The following LNPEP variants were observed in gnomAD, a reference collection of about 807,000 sequenced individuals.
LNPEP encodes leucyl and cystinyl aminopeptidase, also known as leucyl-cystinyl aminopeptidase.
LNPEP carries 64 observed loss-of-function variants against 120.6 expected under a neutral mutation model. That is an observed-to-expected ratio of 0.53 (90% confidence interval 0.43 to 0.65). The LOEUF is 0.65. Among genes scored for constraint, LNPEP ranks in the 30% least tolerant of loss-of-function variants. The pLI is 0.00. For synonymous variants in LNPEP, 435 were observed against 425.4 expected (o/e 1.02, Z -0.28); for missense variants, 1,057 against 1,200.0 (o/e 0.88, Z 1.76).
chr5:97,017,975 T>C (rs888700363), intron 13 of LNPEP, among the ~76,000 whole-genome samples: 13 of 152,114 alleles, frequency 8.5e-5, no homozygotes, highest in Non-Finnish European at 1.9e-4. Context: ...CAACACAGTG[T>C]TCTCCCTGTG....
chr5:96,995,802 G>A (rs1185441212), intron 6 of LNPEP, among the ~76,000 whole-genome samples: 2 of 152,170 alleles, frequency 1.3e-5, no homozygotes, highest in Admixed American at 6.5e-5. Flanking sequence ...GATTACAGGT[G>A]TAAGCCACGA....
rs149678569 is a variant in LNPEP at position 96,986,585 on chromosome 5, C to A, written c.1046C>A (p.Ser349Tyr). 1.1e-5 allele frequency: 17 copies of A among 1,613,540 alleles called. No individual in the cohort carries two copies. In the African/African-American group the frequency reaches 2.1e-4, roughly 20 times the overall value. ...LDDGLVQDEF[S>Y]ESVKMSTYLV... is the part of the protein sequence containing the mutation. ...GATGGACTTGTTCAGGATGAGTTTT[C>A]TGAGAGTGTGAAGATGAGCACTTAC... is the stretch of plus-strand genomic sequence containing the variant. Residue 349 changes from serine (S) to tyrosine (Y), a missense_variant, in exon 4 of 18, where the codon TCT becomes TAT. By Grantham distance (144) the Ser-to-Tyr change is moderately radical. Transcript: ENST00000231368.
rs184633504 is a variant in LNPEP at position 97,009,186 on chromosome 5, C to T, written c.2035+2671C>T. On this transcript the variant is annotated intron_variant, in intron 11 of 17. Transcript: ENST00000231368. Reference sequence around the variant, plus strand: ...GAACACCCTTGCCTCCTCACTCCCTCGGCCTACTCCTGTTTATTCTTCAGA... The same window carrying T: ...GAACACCCTTGCCTCCTCACTCCCTTGGCCTACTCCTGTTTATTCTTCAGA... Among the ~76,000 whole-genome samples, 52 of 152,308 alleles carry T rather than the reference C, an allele frequency of 3.4e-4. 1 individual carries two copies. The East Asian group carries it at 9.3e-3, about 27-fold the overall frequency.
intron 1 of LNPEP, among the ~76,000 whole-genome samples, chr5:96,966,508 TTGTGTGTGTGTGTGTG>T (rs375861296): frequency 1.6e-3 from 208 of 133,456 alleles, no homozygotes; most frequent in African/African-American, 5.5e-3. Context: ...TTACATATAT[TTGTGTGTGTGTGTGTG>T]TGTGTGTGTG....
rs986596322 is a variant in LNPEP, at chr5:97,032,482, T to G, written c.*3949T>G. ...TTTTTGGGAGTATATACTTTAAAAA[T>G]GTACATACATGTTTTTGATAGTTTT... On this transcript the variant is annotated 3_prime_UTR_variant, in exon 18 of 18. Transcript: ENST00000231368. 3.9e-5 allele frequency: 6 copies of G among 152,210 alleles called. No homozygotes were observed. The highest frequency in any genetic ancestry group is 2.0e-4 in the Admixed American group (3 of 15,286). 9.4% of individuals were successfully genotyped at this position (152,210 alleles called of 1,614,324 possible). A position where few individuals can be genotyped will look rare whatever the true frequency, so the allele number is the denominator to read the frequency against.
chr5:97,022,367 C>T lies in LNPEP; in HGVS notation c.2444C>T (p.Ser815Phe). The change falls in exon 14 of 18, where the codon TCT (serine) becomes TTT (phenylalanine). Residue 815 changes from serine (S) to phenylalanine (F), a missense_variant. Ser to Phe is a radical substitution (Grantham distance 155). Transcript: ENST00000231368. Reference protein sequence around the residue: ...QQTWTDEGTPSMRELRSALLE... With the variant: ...QQTWTDEGTPFMRELRSALLE... Reference sequence around the variant, plus strand: ...ACTTGGACTGATGAGGGCACTCCATCTATGCGAGAGCTTCGGTCAGCCCTG... The same window carrying T: ...ACTTGGACTGATGAGGGCACTCCATTTATGCGAGAGCTTCGGTCAGCCCTG... The T allele has an allele frequency of 6.2e-7, 1 of 1,613,878 alleles. No individual in the cohort carries two copies. The highest frequency in any genetic ancestry group is 8.5e-7 in the Non-Finnish European group (1 of 1,179,768).
In LNPEP at chr5:97,027,696, G is replaced by A. The variant is rs746997855; in HGVS notation, c.2865-37G>A. ...CAGGAACAACGCTTTACCAGCAGCTGCCTAATCTTTTTGCTCTTGTTTTTG... is the reference window on the plus strand; with the variant it reads ...CAGGAACAACGCTTTACCAGCAGCTACCTAATCTTTTTGCTCTTGTTTTTG... On this transcript the variant is annotated intron_variant, in intron 16 of 17. Transcript: ENST00000231368. The A allele has an allele frequency of 1.3e-5, 17 of 1,281,570 alleles. No individual in the cohort carries two copies. The African/African-American group carries it at 1.8e-4, about 13-fold the overall frequency. 79.4% of individuals were successfully genotyped at this position (1,281,570 alleles called of 1,614,324 possible).
chr5:97,016,402 T>G (rs1443261126), intron 13 of LNPEP, among the ~76,000 whole-genome samples: 2 of 152,142 alleles, frequency 1.3e-5, no homozygotes, highest in Non-Finnish European at 2.9e-5. Flanking sequence ...CATTTAATTA[T>G]CACACAGTGC....
At chr5:96,990,516 G>A (rs1448784409) in intron 4 of LNPEP, among the ~76,000 whole-genome samples, 2 of 152,132 alleles carry the variant, frequency 1.3e-5, no homozygotes, top group Admixed American at 6.5e-5. Context: ...CCTCAATTCC[G>A]ATGGGAGTCT....
At position 97,027,082 on chromosome 5, in the gene LNPEP, G is replaced by A. The variant is rs372491703; in HGVS notation, c.2864+325G>A. ...AAAATACCTCTGTATGGCCGGGCGC[G>A]GTGGCTCACACCTTTAATCCCAGCA... On this transcript the variant is annotated intron_variant, in intron 16 of 17. Coordinates refer to ENST00000231368, the MANE Select transcript of LNPEP (RefSeq NM_005575.3). Among the ~76,000 whole-genome samples the A allele has an allele frequency of 4.6e-5, 7 of 152,202 alleles. No individual in the cohort carries two copies. The East Asian group carries it at 1.2e-3, about 25-fold the overall frequency.
At chr5:96,968,324 C>T (rs1405872995) in intron 1 of LNPEP, among the ~76,000 whole-genome samples, 1 of 152,004 alleles carries the variant, frequency 6.6e-6, no homozygotes, top group Non-Finnish European at 1.5e-5. Context: ...CAGTGGCTAC[C>T]AAGAAGCAAG....
At chr5:96,989,311 TA>T (rs1790320206) in intron 4 of LNPEP, among the ~76,000 whole-genome samples, 1 of 65,266 alleles carries the variant, frequency 1.5e-5, no homozygotes, top group Non-Finnish European at 2.8e-5. Flanking sequence ...ATATATTGTA[TA>T]TTATATATAA....
At chr5:96,954,772 A>ATATATTTT (rs1275200137) in intron 1 of LNPEP, among the ~76,000 whole-genome samples, 2 of 27,108 alleles carry the variant, frequency 7.4e-5, no homozygotes, top group African/African-American at 1.5e-4. Flanking sequence ...ATATATATAT[A>ATATATTTT]TTTTTTTTTT....
At chr5:96,952,105 A>G (rs868280833) in intron 1 of LNPEP, among the ~76,000 whole-genome samples, 7 of 152,282 alleles carry the variant, frequency 4.6e-5, no homozygotes, top group Middle Eastern at 3.4e-3. Context: ...TATTTATTTA[A>G]TAACAATAAA....
Position 96,979,443 on chromosome 5 carries a change from AGGACCAT to A in LNPEP, c.328_334del (p.Thr110TrpfsTer13). ...TGGGGCTTGTTCAGTACCCTCTGCA[AGGACCAT>A]GGTGGTCTGTGCTTTTGTCATCGTG... On this transcript the variant is annotated frameshift_variant, in exon 2 of 18. Transcript: ENST00000231368. LOFTEE classifies it high-confidence loss of function. 6.2e-7 allele frequency: 1 copy of A among 1,614,098 alleles called. No individual in the cohort carries two copies. The highest frequency in any genetic ancestry group is 8.5e-7 in the Non-Finnish European group (1 of 1,179,964).
chr5:96,954,760 A>G (rs1287988514), intron 1 of LNPEP, among the ~76,000 whole-genome samples: 1 of 45,306 alleles, frequency 2.2e-5, no homozygotes, highest in African/African-American at 8.5e-5. Context: ...ATATATATAT[A>G]TATATATATA....
At chr5:97,003,980 C>G (rs1790717701) in intron 9 of LNPEP, among the ~76,000 whole-genome samples, 1 of 152,108 alleles carries the variant, frequency 6.6e-6, no homozygotes, top group Non-Finnish European at 1.5e-5. Context: ...GCCTTTGTGA[C>G]TGTTCCTCCA....
intron 12 of LNPEP, among the ~76,000 whole-genome samples, chr5:97,014,732 C>T (rs2112658884): frequency 6.6e-6 from 1 of 152,174 alleles, no homozygotes; most frequent in Admixed American, 6.5e-5. Context: ...TATTGTTTAT[C>T]TTTCTCTTGA....
chr5:96,956,442 C>T (rs1789471690), intron 1 of LNPEP, among the ~76,000 whole-genome samples: 1 of 152,174 alleles, frequency 6.6e-6, no homozygotes, highest in African/African-American at 2.4e-5. Context: ...CACTTGAGCC[C>T]TGGAGGCGGA....
Sources: allele counts gnomAD v4.1 joint callset (sites outside exome capture counted in the v4.1 genomes callset), GRCh38; gene constraint gnomAD v4.1.1; transcripts MANE v1.5; gene names NCBI Gene and HGNC (gene_info 2026-07-23, HGNC 2026-07-21).